Variants in PDE10A observed in about 807,000 individuals in gnomAD.
PDE10A encodes phosphodiesterase 10A, also known as cAMP and cAMP-inhibited cGMP 3',5'-cyclic phosphodiesterase 10A.
In PDE10A, 39 loss-of-function variants were observed where a neutral mutation model predicts 97.7. That is an observed-to-expected ratio of 0.40 (90% CI 0.31 to 0.52). The LOEUF (loss-of-function observed/expected upper bound fraction) is 0.52. Ranked by LOEUF, PDE10A falls within the 20% of genes least tolerant of loss-of-function variation. The pLI is 0.56. For synonymous variants in PDE10A, 371 were observed against 376.8 expected (o/e 0.98, Z 0.18); for missense variants, 731 against 1,047.8 (o/e 0.70, Z 4.17).
At chr6:165,431,289 A>G in intron 8 of PDE10A, 133 bp downstream of exon 8, 1 of 510,420 alleles carries the variant, frequency 2.0e-6, no homozygotes, top group Admixed American at 3.0e-5. Context: ...TAAAATTTCT[A>G]GAAATAACAG....
intron 1 of PDE10A, among the ~76,000 whole-genome samples, chr6:165,826,772 G>C (rs938575777): frequency 6.8e-6 from 1 of 146,682 alleles, no homozygotes; most frequent in Non-Finnish European, 1.5e-5. Context: ...GAGATGTGCG[G>C]TTGGGAGGGG....
chr6:165,621,771 A>AAGAAGAAGAAGAAG (rs112872551), intron 1 of PDE10A, among the ~76,000 whole-genome samples: 37 of 134,788 alleles, frequency 2.7e-4, no homozygotes, highest in Middle Eastern at 3.8e-3. Flanking sequence ...AAGAAAAAAA[A>AAGAAGAAGAAGAAG]AAGAAGAAGA....
At chr6:165,917,909 C>A (rs559826112) in intron 1 of PDE10A, among the ~76,000 whole-genome samples, 55 of 152,332 alleles carry the variant, frequency 3.6e-4, no homozygotes, top group South Asian at 8.3e-4. Flanking sequence ...AGGGCCCAGA[C>A]CCCCTGTTCC....
chr6:165,970,428 T>A (rs1784633602), intron 1 of PDE10A, among the ~76,000 whole-genome samples: 1 of 152,138 alleles, frequency 6.6e-6, no homozygotes. Flanking sequence ...CACTAAATTA[T>A]TTGGGGTAAT....
intron 9 of PDE10A, 77 bp from the exon 10 acceptor site, chr6:165,428,786 G>T (rs1789345612): frequency 3.5e-6 from 2 of 575,438 alleles, no homozygotes; most frequent in South Asian, 2.5e-5. Flanking sequence ...TTCATTTCCT[G>T]GTTTTGTCTA....
intron 1 of PDE10A, among the ~76,000 whole-genome samples, chr6:165,792,284 C>T (rs765626516): frequency 3.3e-5 from 5 of 152,194 alleles, no homozygotes; most frequent in African/African-American, 4.8e-5. Flanking sequence ...CCATTGCTAA[C>T]GATGTCCTCT....
At chr6:165,608,897 G>A (rs140502392) in intron 1 of PDE10A, among the ~76,000 whole-genome samples, 1,745 of 152,320 alleles carry the variant, frequency 0.011, 32 homozygotes, top group African/African-American at 0.039. Flanking sequence ...ACTATTGGCT[G>A]CATAAATGTC....
intron 1 of PDE10A, among the ~76,000 whole-genome samples, chr6:165,766,277 G>A (rs890557305): frequency 6.6e-6 from 1 of 152,208 alleles, no homozygotes; most frequent in Non-Finnish European, 1.5e-5. Context: ...ACATTTACTT[G>A]AAATTAAGCG....
intron 1 of PDE10A, among the ~76,000 whole-genome samples, chr6:165,749,452 C>CCATT (rs1792943016): frequency 6.6e-6 from 1 of 151,018 alleles, no homozygotes; most frequent in African/African-American, 2.4e-5. Flanking sequence ...ACCACCATCA[C>CCATT]ATCACCATCA....
At position 165,655,868 on chromosome 6, in the gene PDE10A, C is replaced by G. The variant is rs531192653; in HGVS notation, c.865+6079G>C. Among the ~76,000 whole-genome samples the G allele has an allele frequency of 2.0e-5, 3 of 152,082 alleles. No homozygotes were observed. Among genetic ancestry groups the G allele is most frequent in the African/African-American group, 7.2e-5 (3 of 41,466 alleles). On this transcript the variant is annotated intron_variant, in intron 1 of 21. Transcript: ENST00000539869. The surrounding 1 kb of genome is among the most constrained non-coding windows in gnomAD (Gnocchi z 4.5). Reference sequence around the variant, plus strand: ...CTCAGCTCCAGCACGGCCGTCACCCCGCTCCTCTGCCTTGTGAGCCCCCTC... The same window carrying G: ...CTCAGCTCCAGCACGGCCGTCACCCGGCTCCTCTGCCTTGTGAGCCCCCTC...
At chr6:165,359,323 AAAATGT>A (rs1393754525) in intron 18 of PDE10A, among the ~76,000 whole-genome samples, 1 of 152,166 alleles carries the variant, frequency 6.6e-6, no homozygotes, top group Non-Finnish European at 1.5e-5. Flanking sequence ...ATTTATCACA[AAAATGT>A]CCTTATTTCA....
chr6:165,942,713 T>C (rs1288943674), intron 1 of PDE10A, among the ~76,000 whole-genome samples: 1 of 152,186 alleles, frequency 6.6e-6, no homozygotes, highest in Admixed American at 6.5e-5. Flanking sequence ...TAGGCACTAT[T>C]ATATACCAAC....
Position 165,329,735 on chromosome 6 carries a change from C to T in PDE10A, c.*3290G>A, listed in dbSNP as rs1781236788. 6.6e-6 allele frequency: 1 copy of T among 152,078 alleles called. No homozygotes were observed. Among genetic ancestry groups the T allele is most frequent in the African/African-American group, 2.4e-5 (1 of 41,398 alleles). The allele number at this position is 152,078 out of a possible 1,614,324, so 9.4% of individuals were successfully genotyped here. On this transcript the variant is annotated 3_prime_UTR_variant, in exon 22 of 22. Coordinates refer to ENST00000539869, the MANE Select transcript of PDE10A (RefSeq NM_001385079.1). ...TCTATTATTGAACACATCTAGTTTC[C>T]AATTAGTTGCTTTTGTTGTGGTGAG...
At chr6:165,519,752 G>A (rs974786013) in intron 2 of PDE10A, among the ~76,000 whole-genome samples, 11 of 152,102 alleles carry the variant, frequency 7.2e-5, no homozygotes, top group East Asian at 5.8e-4. Flanking sequence ...ATGATAACAC[G>A]TGTGACTGTT....
At chr6:165,829,173 G>C (rs1260423346) in intron 1 of PDE10A, among the ~76,000 whole-genome samples, 1 of 152,180 alleles carries the variant, frequency 6.6e-6, no homozygotes, top group African/African-American at 2.4e-5. Context: ...AGGCCCTAAG[G>C]ATGCTCTCCA....
intron 18 of PDE10A, among the ~76,000 whole-genome samples, chr6:165,351,914 T>C (rs985440044): frequency 6.6e-6 from 1 of 152,134 alleles, no homozygotes. Context: ...AGTGCAGTGG[T>C]GCAATCTCAG....
intron 18 of PDE10A, among the ~76,000 whole-genome samples, chr6:165,368,098 C>T (rs982938093): frequency 2.0e-4 from 31 of 152,168 alleles, no homozygotes; most frequent in African/African-American, 7.5e-4. Flanking sequence ...CGGGTTCAAG[C>T]GATTTTCCTG....
At chr6:165,555,156 A>T (rs1026831783) in intron 1 of PDE10A, among the ~76,000 whole-genome samples, 1 of 152,154 alleles carries the variant, frequency 6.6e-6, no homozygotes, top group African/African-American at 2.4e-5. Flanking sequence ...TACGTTTTAA[A>T]ATAAAGAATG....
At chr6:165,524,079 C>T (rs773519248) in intron 2 of PDE10A, among the ~76,000 whole-genome samples, 1 of 152,186 alleles carries the variant, frequency 6.6e-6, no homozygotes, top group East Asian at 1.9e-4. Flanking sequence ...TGCCCTGCAA[C>T]ATCAGACTCC....
Sources: gnomAD v4.1 joint callset for allele counts (sites outside exome capture counted in the v4.1 genomes callset) on GRCh38, gnomAD v4.1.1 for gene constraint, Gnocchi (gnomAD v3.1) non-coding constraint, MANE v1.5 for transcripts, NCBI Gene and HGNC (gene_info 2026-07-23, HGNC 2026-07-21) for gene names.